The following WNK3 variants were observed in gnomAD, a reference collection of about 807,000 sequenced individuals.
The protein encoded by WNK3 is serine/threonine-protein kinase WNK3.
A neutral mutation model predicts 116.7 loss-of-function variants in WNK3; 18 were observed. That is an observed-to-expected ratio of 0.15 (90% CI 0.11 to 0.23). WNK3 has a LOEUF of 0.23. Ranked by LOEUF, WNK3 falls within the 10% of genes least tolerant of loss-of-function variation. The pLI is 1.00. For missense variants in WNK3, 993 were observed against 1,323.8 expected, an observed-to-expected ratio of 0.75 and a Z score of 3.88; for synonymous variants, 404 against 469.4, an observed-to-expected ratio of 0.86 and a Z score of 1.80.
intron 17 of WNK3, among the ~76,000 whole-genome samples, chrX:54,242,283 A>G (rs2068030367): frequency 1.8e-5 from 2 of 112,061 alleles, no homozygotes; most frequent in Non-Finnish European, 3.8e-5. Context: ...CATCAATGAA[A>G]GAAATTCAAG....
chrX:54,245,495 AC>A (rs1244876751), intron 17 of WNK3, among the ~76,000 whole-genome samples: 1 of 110,111 alleles, frequency 9.1e-6, no homozygotes, highest in Non-Finnish European at 1.9e-5. Context: ...TCAAAAACAC[AC>A]ACACACATAC....
chrX:54,204,236 C>G (rs782231799), intron 22 of WNK3, among the ~76,000 whole-genome samples: 24 of 110,695 alleles, frequency 2.2e-4, no homozygotes, highest in Non-Finnish European at 3.8e-4. Flanking sequence ...TCTCACACCT[C>G]AGCCTCCCGA....
Position 54,301,875 on chromosome X carries a change from G to A in WNK3, c.1090-16C>T. On this transcript the variant is annotated splice_polypyrimidine_tract_variant and intron_variant, in intron 5 of 23. Coordinates refer to ENST00000354646, the Ensembl canonical transcript of WNK3. ...GTTTTATGCCCTAGGAGAAAAAAAT[G>A]GTTTCTAGTAACAATGATGCAATTG... is the stretch of plus-strand genomic sequence containing the variant. 1 of 1,156,336 alleles carries A rather than the reference G, an allele frequency of 8.6e-7. No homozygotes were observed. The highest frequency in any genetic ancestry group is 1.2e-6 in the Non-Finnish European group (1 of 848,138).
intron 2 of WNK3, among the ~76,000 whole-genome samples, chrX:54,325,416 C>T (rs1557173097): frequency 9.1e-6 from 1 of 110,432 alleles, no homozygotes; most frequent in African/African-American, 3.3e-5. Context: ...TTGTGGCTCA[C>T]GACTGTAATC....
intron 10 of WNK3, among the ~76,000 whole-genome samples, chrX:54,275,413 A>ATGTGTGTGTGTGTGTGTGTGTG (rs782746924): frequency 6.9e-5 from 4 of 58,338 alleles, no homozygotes; most frequent in African/African-American, 2.5e-4. Context: ...GTATAAGTTC[A>ATGTGTGTGTGTGTGTGTGTGTG]TATGTGTGTG....
intron 1 of WNK3, among the ~76,000 whole-genome samples, chrX:54,343,826 A>AT (rs1569539460): frequency 9.2e-6 from 1 of 108,788 alleles, no homozygotes; most frequent in Non-Finnish European, 1.9e-5. Flanking sequence ...CAAACTCCTA[A>AT]TTTTTAATTT....
chrX:54,347,683 TATATATATATACAC>T (rs1323652439), intron 1 of WNK3, among the ~76,000 whole-genome samples: 973 of 96,577 alleles, frequency 0.01, 8 homozygotes, highest in Non-Finnish European at 0.014. Context: ...TATATACACA[TATATATATATACAC>T]ATATATATAT....
chrX:54,198,268 G>T, exon 24 of WNK3: 1 of 985,172 alleles, frequency 1.0e-6, no homozygotes, highest in Non-Finnish European at 1.4e-6. Context: ...TAATATCTTG[G>T]GTGTCCTGAA....
intron 10 of WNK3, among the ~76,000 whole-genome samples, chrX:54,292,156 A>T (rs1390443842): frequency 8.9e-6 from 1 of 112,163 alleles, no homozygotes; most frequent in African/African-American, 3.2e-5. Context: ...AACCAAAACA[A>T]GTCAAGAGTT....
intron 21 of WNK3, among the ~76,000 whole-genome samples, chrX:54,229,095 T>C (rs1415845095): frequency 9.0e-6 from 1 of 111,567 alleles, no homozygotes; most frequent in Non-Finnish European, 1.9e-5. Context: ...TTTAGCAAAA[T>C]CTTCAGATGT....
At chrX:54,254,502 T>C (rs1416241467) in intron 12 of WNK3, among the ~76,000 whole-genome samples, 1 of 112,105 alleles carries the variant, frequency 8.9e-6, no homozygotes. Context: ...GCAACATGTA[T>C]CTAGAAACTT....
In WNK3 at chrX:54,251,524, G is replaced by T. The variant is rs782442952; in HGVS notation, c.2523+8C>A. 32 of 1,206,715 alleles carry T rather than the reference G, an allele frequency of 2.7e-5. No individual in the cohort carries two copies. Among genetic ancestry groups the T allele is most frequent in the Admixed American group, 8.8e-5 (4 of 45,199 alleles). ...GAGAAGATCTGTTTGCTAAACAATT[G>T]TTCTCACCTGGCTACTGTTGGAGTC... On this transcript the variant is annotated splice_region_variant and intron_variant, in intron 14 of 23. Coordinates refer to ENST00000354646, the Ensembl canonical transcript of WNK3.
chrX:54,226,075 C>G (rs1250927796), intron 22 of WNK3, among the ~76,000 whole-genome samples: 1 of 29,290 alleles, frequency 3.4e-5, no homozygotes, highest in Non-Finnish European at 6.2e-5. Flanking sequence ...AGTGCTAGGA[C>G]AAGGAGATAT....
At chrX:54,225,701 A>G (rs1216222258) in intron 22 of WNK3, among the ~76,000 whole-genome samples, 2 of 110,581 alleles carry the variant, frequency 1.8e-5, no homozygotes, top group Non-Finnish European at 1.9e-5. Context: ...ACAGATTGGA[A>G]GACAACATTT....
At chrX:54,346,489 C>T (rs2069432179) in intron 1 of WNK3, among the ~76,000 whole-genome samples, 3 of 106,051 alleles carry the variant, frequency 2.8e-5, no homozygotes, top group Admixed American at 2.1e-4. Context: ...CTGTAGTCCC[C>T]GCTACTTGAG....
intron 10 of WNK3, among the ~76,000 whole-genome samples, chrX:54,281,606 A>G (rs2068516749): frequency 8.9e-6 from 1 of 111,972 alleles, no homozygotes; most frequent in South Asian, 3.8e-4. Flanking sequence ...GCCCTTGCCA[A>G]CCACTGTTCT....
At chrX:54,263,063 G>A (rs934749156) in intron 10 of WNK3, among the ~76,000 whole-genome samples, 3 of 110,714 alleles carry the variant, frequency 2.7e-5, no homozygotes, top group Non-Finnish European at 5.7e-5. Context: ...GCCAAACCTC[G>A]GGAAGGTGTT....
chrX:54,223,468 G>T, intron 22 of WNK3: 1 of 121,815 alleles, frequency 8.2e-6, no homozygotes, highest in East Asian at 2.2e-4. Context: ...AGCCCTAAAG[G>T]GACCTCACCC....
intron 1 of WNK3, among the ~76,000 whole-genome samples, chrX:54,351,518 C>T (rs1288597594): frequency 9.0e-6 from 1 of 111,389 alleles, no homozygotes; most frequent in East Asian, 2.8e-4. Context: ...TACCTGTAAT[C>T]CCAACACTTT....
Sources: gnomAD v4.1 joint callset for allele counts (sites outside exome capture counted in the v4.1 genomes callset) on GRCh38, gnomAD v4.1.1 for gene constraint, MANE v1.5 for transcripts, NCBI Gene and HGNC (gene_info 2026-07-23, HGNC 2026-07-21) for gene names.